ATP13A5: variants seen among roughly 807,000 people sequenced by gnomAD.
ATP13A5 encodes probable cation-transporting ATPase 13A5.
A neutral mutation model predicts 150.2 loss-of-function variants in ATP13A5; 149 were observed. That is an observed-to-expected ratio of 0.99 (90% CI 0.87 to 1.14). The LOEUF (loss-of-function observed/expected upper bound fraction) is 1.14. ATP13A5 is among the 50% of genes most tolerant of loss of function. ATP13A5 has a pLI of 0.00. For synonymous variants in ATP13A5, 497 were observed against 522.2 expected (o/e 0.95, Z 0.66); for missense variants, 1,383 against 1,449.3 (o/e 0.95, Z 0.74).
intron 9 of ATP13A5, among the ~76,000 whole-genome samples, chr3:193,339,610 AG>A (rs1440963443): frequency 6.6e-6 from 1 of 152,164 alleles, no homozygotes; most frequent in Non-Finnish European, 1.5e-5. Flanking sequence ...CTTTTAGGCA[AG>A]TGTTGTTCCC....
chr3:193,338,768 T>G (rs1408661959), intron 9 of ATP13A5, among the ~76,000 whole-genome samples: 2 of 152,200 alleles, frequency 1.3e-5, no homozygotes, highest in African/African-American at 2.4e-5. Context: ...TAGGGAGGAT[T>G]CCCTCTTTTT....
intron 9 of ATP13A5, among the ~76,000 whole-genome samples, chr3:193,342,577 T>C (rs757950365): frequency 3.3e-5 from 5 of 152,202 alleles, no homozygotes; most frequent in Admixed American, 6.5e-5. Context: ...CCACTTGTCA[T>C]TTAAGGTTAT....
At chr3:193,281,609 G>A (rs1329381934) in intron 27 of ATP13A5, among the ~76,000 whole-genome samples, 1 of 152,144 alleles carries the variant, frequency 6.6e-6, no homozygotes, top group African/African-American at 2.4e-5. Context: ...TTGAGCTTCT[G>A]TCAAAGGCTG....
chr3:193,344,892 C>T, intron 8 of ATP13A5, 111 bp downstream of exon 8: 2 of 1,113,782 alleles, frequency 1.8e-6, no homozygotes, highest in Non-Finnish European at 2.7e-6. Context: ...CGTCCCAGTT[C>T]TGGGTTCAAT....
chr3:193,374,496 T>C (rs938804587), intron 1 of ATP13A5, among the ~76,000 whole-genome samples: 1 of 152,002 alleles, frequency 6.6e-6, no homozygotes, highest in African/African-American at 2.4e-5. Context: ...TTTTAAAAAA[T>C]TAACCAGCTG....
intron 23 of ATP13A5, among the ~76,000 whole-genome samples, chr3:193,303,548 G>GTATGTATA (rs567469271): frequency 2.6e-5 from 4 of 151,976 alleles, no homozygotes. Flanking sequence ...ATATGTTAAT[G>GTATGTATA]TATGTATATA....
At position 193,378,716 on chromosome 3, in the gene ATP13A5, T is replaced by G; in HGVS notation, c.10A>C (p.Asn4His). 2 of 1,613,822 alleles carry G rather than the reference T, an allele frequency of 1.2e-6. No homozygotes were observed. The highest frequency in any genetic ancestry group is 1.7e-6 in the Non-Finnish European group (2 of 1,179,744). Residue 4 changes from asparagine (N) to histidine (H), a missense_variant, in exon 1 of 30, where the codon AAC becomes CAC. Physicochemically the swap from Asn to His is moderately conservative, Grantham distance 68. This residue lies in a region of ATP13A5 where 787 missense variants were observed against 771.9 expected (regional missense o/e 1.02). Coordinates refer to ENST00000342358, the MANE Select transcript of ATP13A5 (RefSeq NM_198505.4). MEENSKKDHRALLN... is the reference protein window; with the variant it reads MEEHSKKDHRALLN... Reference sequence around the variant, plus strand: ...AAAGCCCGATGGTCCTTCTTACTGTTCTCTTCCATCTGAACTCAACCGGCG... The same window carrying G: ...AAAGCCCGATGGTCCTTCTTACTGTGCTCTTCCATCTGAACTCAACCGGCG...
intron 1 of ATP13A5, among the ~76,000 whole-genome samples, chr3:193,374,737 A>G (rs890080534): frequency 4.6e-5 from 7 of 152,154 alleles, no homozygotes; most frequent in African/African-American, 1.7e-4. Flanking sequence ...AAAACATAAT[A>G]TAGATATGGT....
intron 22 of ATP13A5, among the ~76,000 whole-genome samples, chr3:193,306,411 G>A (rs900823669): frequency 2.0e-5 from 3 of 151,946 alleles, no homozygotes; most frequent in South Asian, 2.1e-4. Flanking sequence ...TAATGTGAGA[G>A]GATACGTATT....
chr3:193,323,658 G>A (rs534209517), intron 14 of ATP13A5: 11 of 152,240 alleles, frequency 7.2e-5, no homozygotes, highest in African/African-American at 1.9e-4. Context: ...TAAATACACC[G>A]ATTCCTCTCC....
At chr3:193,343,098 A>C (rs1712191538) in intron 9 of ATP13A5, among the ~76,000 whole-genome samples, 1 of 152,176 alleles carries the variant, frequency 6.6e-6, no homozygotes, top group Non-Finnish European at 1.5e-5. Context: ...AGGGATAGAT[A>C]ATGAACTCTC....
At chr3:193,280,304 G>A (rs557798566) in intron 27 of ATP13A5, among the ~76,000 whole-genome samples, 19 of 152,096 alleles carry the variant, frequency 1.2e-4, no homozygotes, top group Non-Finnish European at 2.4e-4. Context: ...CACCCGCCTC[G>A]GCCTCCCAAA....
chr3:193,378,031 A>T (rs9850463), intron 1 of ATP13A5, among the ~76,000 whole-genome samples: 229 of 152,182 alleles, frequency 1.5e-3, no homozygotes, highest in African/African-American at 5.3e-3. Flanking sequence ...CCTCAGCACC[A>T]AATAAACACT....
intron 24 of ATP13A5, 41 bp downstream of exon 24, chr3:193,301,169 TA>T (rs750638806): frequency 1.4e-6 from 2 of 1,413,810 alleles, no homozygotes; most frequent in South Asian, 2.3e-5. Context: ...ATTAGGGACA[TA>T]AATGCAATTA....
chr3:193,323,609 TG>T (rs1719363304), intron 14 of ATP13A5: 1 of 152,200 alleles, frequency 6.6e-6, no homozygotes, highest in South Asian at 2.1e-4. Context: ...CTCATCACCG[TG>T]TTTATCCCAA....
chr3:193,335,273 A>T (rs987589019), intron 9 of ATP13A5, among the ~76,000 whole-genome samples, 174 bp from the exon 10 acceptor site: 1 of 152,154 alleles, frequency 6.6e-6, no homozygotes, highest in Non-Finnish European at 1.5e-5. Flanking sequence ...GGTAGACTTG[A>T]TTCTATTGCA....
In ATP13A5 at chr3:193,362,606, T is replaced by C. The variant is rs775681932; in HGVS notation, c.416A>G (p.Tyr139Cys). ...CCGCTTCTCCAGGTCGTTCCAAACA[T>C]ACCTGATTTTCTGCACTTCCATGCA... ...LRCMEVQKIR[Y>C]VWNDLEKRFQ... Residue 139 changes from tyrosine to cysteine, a missense_variant, in exon 4 of 30, where the codon TAT (tyrosine) becomes TGT (cysteine). Physicochemically the swap from Tyr to Cys is radical, Grantham distance 194. Around this residue, in one of 3 missense-constraint regions of ATP13A5, gnomAD observed 787 missense variants for 771.9 expected, o/e 1.02. Transcript: ENST00000342358. 6.2e-7 allele frequency: 1 copy of C among 1,614,218 alleles called. No individual in the cohort carries two copies. Among genetic ancestry groups the C allele is most frequent in the African/African-American group, 1.3e-5 (1 of 75,068 alleles).
At chr3:193,331,041 G>C in intron 12 of ATP13A5, 82 bp downstream of exon 12, 1 of 1,408,600 alleles carries the variant, frequency 7.1e-7, no homozygotes, top group African/African-American at 1.4e-5. Context: ...GGGAACACTG[G>C]ACTAGACATT....
intron 1 of ATP13A5, among the ~76,000 whole-genome samples, chr3:193,366,434 C>G (rs1315987185): frequency 6.6e-6 from 1 of 151,882 alleles, no homozygotes; most frequent in Non-Finnish European, 1.5e-5. Context: ...TGGAAGAAAG[C>G]TGATATCGCT....
Sources: gnomAD v4.1 joint callset for allele counts (sites outside exome capture counted in the v4.1 genomes callset) on GRCh38, gnomAD v4.1.1 for gene constraint, gnomAD v4.1.1 regional missense constraint, MANE v1.5 for transcripts, NCBI Gene and HGNC (gene_info 2026-07-23, HGNC 2026-07-21) for gene names.